The following NAV2 variants were observed in gnomAD, a reference collection of about 807,000 sequenced individuals.
NAV2 encodes helicase, APC down-regulated 1.
Under a neutral mutation model 223.2 loss-of-function variants are expected in NAV2, and 54 were observed. That is an observed-to-expected ratio of 0.24 (90% CI 0.19 to 0.30). The LOEUF (loss-of-function observed/expected upper bound fraction) is 0.30. Among genes scored for constraint, NAV2 ranks in the 10% least tolerant of loss-of-function variants. The pLI, the probability that NAV2 is intolerant of heterozygous loss-of-function variation, is 1.00. For missense variants in NAV2, 2,806 were observed against 3,147.5 expected (o/e 0.89, Z 2.60); for synonymous variants, 1,279 against 1,239.3 (o/e 1.03, Z -0.67).
chr11:19,661,109 C>T (rs2048269565), intron 1 of NAV2, among the ~76,000 whole-genome samples: 1 of 152,130 alleles, frequency 6.6e-6, no homozygotes, highest in Non-Finnish European at 1.5e-5. Context: ...CCTGTCGCCC[C>T]AGCTCCCAGC....
chr11:20,072,526 A>G (rs1279575818), intron 22 of NAV2, among the ~76,000 whole-genome samples: 1 of 152,220 alleles, frequency 6.6e-6, no homozygotes, highest in Non-Finnish European at 1.5e-5. Flanking sequence ...TACTTTGGGC[A>G]GTATGGCCAT....
chr11:19,508,148 C>T (rs905456241), intron 1 of NAV2, among the ~76,000 whole-genome samples: 1 of 152,060 alleles, frequency 6.6e-6, no homozygotes, highest in African/African-American at 2.4e-5. Context: ...CTGATGGGGG[C>T]TGCTCTGTGG....
chr11:19,452,338 G>A (rs1029833577), intron 1 of NAV2, among the ~76,000 whole-genome samples: 2 of 152,170 alleles, frequency 1.3e-5, no homozygotes, highest in African/African-American at 4.8e-5. Context: ...GACGAATGAG[G>A]AAGATAAAGA....
chr11:20,085,625 CT>C (rs1180754132), intron 26 of NAV2, among the ~76,000 whole-genome samples: 5 of 152,188 alleles, frequency 3.3e-5, no homozygotes, highest in African/African-American at 1.2e-4. Flanking sequence ...CGCTCAGCAG[CT>C]TTACATATGA....
At chr11:19,567,853 A>AG (rs937789028) in intron 1 of NAV2, among the ~76,000 whole-genome samples, 8 of 152,122 alleles carry the variant, frequency 5.3e-5, no homozygotes, top group African/African-American at 1.7e-4. Flanking sequence ...CCTCCTTCCG[A>AG]GGGGTCTCCC....
chr11:19,903,999 T>C (rs540676742), intron 6 of NAV2, among the ~76,000 whole-genome samples: 19 of 152,270 alleles, frequency 1.2e-4, no homozygotes, highest in Non-Finnish European at 1.8e-4. Context: ...CACAAAGCCG[T>C]CCACCCACTC....
intron 20 of NAV2, among the ~76,000 whole-genome samples, chr11:20,066,746 A>T (rs940779964): frequency 1.3e-5 from 2 of 152,236 alleles, no homozygotes; most frequent in African/African-American, 4.8e-5. Context: ...TTTTTAAAAA[A>T]TAATGGGCTT....
chr11:19,761,596 G>A (rs981151839), intron 1 of NAV2, among the ~76,000 whole-genome samples: 1 of 152,188 alleles, frequency 6.6e-6, no homozygotes, highest in African/African-American at 2.4e-5. Context: ...ACAATGGCCA[G>A]TGTCACTGCA....
intron 1 of NAV2, among the ~76,000 whole-genome samples, chr11:19,457,613 TA>T (rs770176867): frequency 3.7e-4 from 56 of 152,140 alleles, no homozygotes; most frequent in Admixed American, 1.9e-3. Context: ...TTGCATTTTT[TA>T]AAAGGTCACT....
rs114709277 is a variant in NAV2, at chr11:20,103,130, C to T, written c.6418-125C>T. On this transcript the variant is annotated intron_variant, in intron 32 of 37. Coordinates refer to ENST00000349880, the MANE Select transcript of NAV2 (RefSeq NM_145117.5). Reference sequence around the variant, plus strand: ...TAGGCAGGCACCCAGAATGTGTTTACAGCGCAGAATCATGAAGGGCCTTTC... The same window carrying T: ...TAGGCAGGCACCCAGAATGTGTTTATAGCGCAGAATCATGAAGGGCCTTTC... 412 of 867,664 alleles carry T rather than the reference C, an allele frequency of 4.7e-4. No homozygotes were observed. In the African/African-American group the frequency reaches 5.0e-3, roughly 11 times the overall value. The allele number at this position is 867,664 out of a possible 1,614,324, so 53.7% of individuals were successfully genotyped here.
intron 1 of NAV2, among the ~76,000 whole-genome samples, chr11:19,388,906 C>G (rs1445379367): frequency 2.0e-5 from 3 of 152,138 alleles, no homozygotes; most frequent in Non-Finnish European, 4.4e-5. Flanking sequence ...AGTACCTATC[C>G]CAGGCCACAG....
At chr11:19,916,231 G>A (rs1023279081) in intron 6 of NAV2, among the ~76,000 whole-genome samples, 7 of 152,174 alleles carry the variant, frequency 4.6e-5, no homozygotes, top group African/African-American at 1.7e-4. Flanking sequence ...CATTTAACTG[G>A]AAGATAAATT....
intron 10 of NAV2, among the ~76,000 whole-genome samples, chr11:19,970,836 C>G (rs1223553756): frequency 6.6e-6 from 1 of 152,164 alleles, no homozygotes; most frequent in Non-Finnish European, 1.5e-5. Context: ...CTTCATTTTG[C>G]ATCTGAAAAA....
intron 1 of NAV2, among the ~76,000 whole-genome samples, chr11:19,797,703 A>G (rs919250574): frequency 3.9e-5 from 6 of 152,096 alleles, no homozygotes; most frequent in Non-Finnish European, 8.8e-5. Context: ...TGAATTCAGA[A>G]ATACCTGCTT....
At chr11:19,908,452 G>A (rs1034506128) in intron 6 of NAV2, among the ~76,000 whole-genome samples, 9 of 152,216 alleles carry the variant, frequency 5.9e-5, no homozygotes, top group Middle Eastern at 6.8e-3. Flanking sequence ...GCAGAGTGCT[G>A]GTCTGTATTT....
chr11:19,420,396 G>T (rs1239491453), intron 1 of NAV2, among the ~76,000 whole-genome samples: 1 of 152,182 alleles, frequency 6.6e-6, no homozygotes, highest in Admixed American at 6.5e-5. Context: ...AAACATGTCT[G>T]TATACTATGA....
At chr11:19,528,685 G>T (rs7114118) in intron 1 of NAV2, among the ~76,000 whole-genome samples, 1 of 152,068 alleles carries the variant, frequency 6.6e-6, no homozygotes, top group East Asian at 1.9e-4. Context: ...TAATCCCAGC[G>T]CTTTGGGAGG....
intron 1 of NAV2, among the ~76,000 whole-genome samples, chr11:19,739,578 T>C (rs1312279620): frequency 6.6e-6 from 1 of 152,138 alleles, no homozygotes; most frequent in Non-Finnish European, 1.5e-5. Flanking sequence ...TGTGGAGACA[T>C]TTGCTTATCT....
chr11:19,600,754 A>G (rs1441120456), intron 1 of NAV2, among the ~76,000 whole-genome samples: 1 of 152,214 alleles, frequency 6.6e-6, no homozygotes, highest in Non-Finnish European at 1.5e-5. Flanking sequence ...AAAAGCAATT[A>G]TAATAGTAGG....
Sources: allele counts gnomAD v4.1 joint callset (sites outside exome capture counted in the v4.1 genomes callset), GRCh38; gene constraint gnomAD v4.1.1; transcripts MANE v1.5; gene names NCBI Gene and HGNC (gene_info 2026-07-23, HGNC 2026-07-21).